Variants in ARHGEF37 observed in about 807,000 individuals in gnomAD.
The protein encoded by ARHGEF37 is Rho guanine nucleotide exchange factor (GEF) 37.
A neutral mutation model predicts 71.1 loss-of-function variants in ARHGEF37; 55 were observed. The observed-to-expected ratio is 0.77, with a 90% CI of 0.62 to 0.97. The LOEUF is 0.97. Among genes scored for constraint, ARHGEF37 ranks in the 50% least tolerant of loss-of-function variants. The pLI, the probability that ARHGEF37 is intolerant of heterozygous loss-of-function variation, is 0.00. For missense variants in ARHGEF37, 765 were observed against 836.8 expected, an observed-to-expected ratio of 0.91 and a Z score of 1.06; for synonymous variants, 327 against 350.6, an observed-to-expected ratio of 0.93 and a Z score of 0.75.
chr5:149,565,349 T>C (rs1262851445), intron 1 of ARHGEF37, among the ~76,000 whole-genome samples: 1 of 152,216 alleles, frequency 6.6e-6, no homozygotes, highest in African/African-American at 2.4e-5. Context: ...CATTGTGTCC[T>C]CAGCATTAGC....
chr5:149,618,402 C>T (rs1752440557), intron 6 of ARHGEF37, 96 bp downstream of exon 6: 1 of 1,540,526 alleles, frequency 6.5e-7, no homozygotes, highest in African/African-American at 1.4e-5. Context: ...CCTTTCAGAA[C>T]TGAGGCAATG....
intron 1 of ARHGEF37, among the ~76,000 whole-genome samples, chr5:149,575,789 C>A (rs1388251150): frequency 1.4e-5 from 2 of 147,518 alleles, no homozygotes; most frequent in Non-Finnish European, 3.0e-5. Context: ...TCAAGCAGTT[C>A]TCCTGCCTCA....
At chr5:149,611,751 A>G (rs948022250) in intron 4 of ARHGEF37, among the ~76,000 whole-genome samples, 4 of 152,174 alleles carry the variant, frequency 2.6e-5, no homozygotes, top group African/African-American at 4.8e-5. Context: ...CAGGGATTCT[A>G]TTTTCTCTGA....
intron 4 of ARHGEF37, among the ~76,000 whole-genome samples, chr5:149,610,565 T>C (rs1764050082): frequency 6.6e-6 from 1 of 152,192 alleles, no homozygotes; most frequent in Non-Finnish European, 1.5e-5. Context: ...TGAGCCACCA[T>C]GCCAGGCCTA....
chr5:149,621,635 G>C, intron 8 of ARHGEF37, 98 bp from the exon 9 acceptor site: 1 of 1,152,780 alleles, frequency 8.7e-7, no homozygotes, highest in East Asian at 2.4e-5. Flanking sequence ...GTGGGAGTTA[G>C]ACTGGAATCC....
intron 2 of ARHGEF37, 49 bp from the exon 3 acceptor site, chr5:149,601,059 A>C: frequency 6.3e-7 from 1 of 1,586,664 alleles, no homozygotes; most frequent in Non-Finnish European, 8.6e-7. Context: ...CTGCAAATAC[A>C]TTCTATGGAA....
intron 1 of ARHGEF37, among the ~76,000 whole-genome samples, chr5:149,559,139 G>A (rs1234799772): frequency 1.3e-5 from 2 of 152,104 alleles, no homozygotes; most frequent in African/African-American, 4.8e-5. Flanking sequence ...TGGCCAACGT[G>A]GTAAAACCCT....
At chr5:149,615,305 A>ATTT (rs71587785) in intron 4 of ARHGEF37, among the ~76,000 whole-genome samples, 1 of 141,916 alleles carries the variant, frequency 7.0e-6, no homozygotes. Flanking sequence ...TGCCTAGTTA[A>ATTT]TTTTTTTTTT....
chr5:149,562,740 C>T (rs900532645), intron 1 of ARHGEF37, among the ~76,000 whole-genome samples: 4 of 152,254 alleles, frequency 2.6e-5, no homozygotes, highest in Middle Eastern at 3.4e-3. Flanking sequence ...GCCACCGCGC[C>T]CGGCCAAGAA....
chr5:149,552,531 A>G (rs1312949293), intron 1 of ARHGEF37, among the ~76,000 whole-genome samples: 1 of 152,224 alleles, frequency 6.6e-6, no homozygotes, highest in African/African-American at 2.4e-5. Context: ...TATCCTAAAT[A>G]AAATTTAATT....
Position 149,632,095 on chromosome 5 carries a change from C to G in ARHGEF37, c.1932C>G (p.Ser644Arg), listed in dbSNP as rs1752901648. The change falls in exon 13 of 13, where the codon AGC (serine) becomes AGG (arginine). Residue 644 changes from serine to arginine, a missense_variant. Around this residue, in one of 5 missense-constraint regions of ARHGEF37, gnomAD observed 390 missense variants for 407.4 expected, o/e 0.96. Coordinates refer to ENST00000333677, the MANE Select transcript of ARHGEF37 (RefSeq NM_001001669.3). ...AQDKKGNPEW[S>R]LVEVNGQRGY... ...ACAAGAAGGGGAACCCTGAGTGGAG[C>G]CTGGTGGAAGTGAATGGACAGAGGG... 3.1e-6 allele frequency: 5 copies of G among 1,614,112 alleles called. No homozygotes were observed. Among genetic ancestry groups the G allele is most frequent in the South Asian group, 1.1e-5 (1 of 91,082 alleles).
chr5:149,611,142 T>C (rs1421339669), intron 4 of ARHGEF37, among the ~76,000 whole-genome samples: 1 of 152,204 alleles, frequency 6.6e-6, no homozygotes, highest in Non-Finnish European at 1.5e-5. Context: ...TGGGGAGGGC[T>C]TGGCATCTAG....
chr5:149,587,792 A>C (rs1202144660), intron 1 of ARHGEF37, among the ~76,000 whole-genome samples: 3 of 151,196 alleles, frequency 2.0e-5, no homozygotes, highest in African/African-American at 7.3e-5. Flanking sequence ...TTTGTACAGG[A>C]TCCTCCCTTC....
intron 11 of ARHGEF37, 81 bp downstream of exon 11, chr5:149,627,352 T>G: frequency 6.7e-7 from 1 of 1,490,338 alleles, no homozygotes; most frequent in Non-Finnish European, 9.1e-7. Flanking sequence ...CGGGCACTCT[T>G]GTGGGTCAAA....
chr5:149,619,058 G>C lies in ARHGEF37; in HGVS notation c.894+16G>C, dbSNP rs567476859. 2 of 1,601,446 alleles carry C rather than the reference G, an allele frequency of 1.2e-6. No individual in the cohort carries two copies. Among genetic ancestry groups the C allele is most frequent in the East Asian group, 2.2e-5 (1 of 44,818 alleles). On this transcript the variant is annotated intron_variant, in intron 7 of 12. Transcript: ENST00000333677. ...CAATCTGCAGGTGAGGACACTGCAG[G>C]GTTCATAAAGGGCGAGTCTGGGCTG...
chr5:149,609,608 G>A lies in ARHGEF37; in HGVS notation c.371G>A (p.Ser124Asn). ...CAAGTCTATAAGGTCTACTGTGCCAGCTACGACCAGGCCTTGCTACTGGTG... is the reference window on the plus strand; with the variant it reads ...CAAGTCTATAAGGTCTACTGTGCCAACTACGACCAGGCCTTGCTACTGGTG... ...LEQVYKVYCASYDQALLLVDT... is the reference protein window; with the variant it reads ...LEQVYKVYCANYDQALLLVDT... The change falls in exon 4 of 13, where the codon AGC becomes AAC. Residue 124 changes from serine to asparagine, a missense_variant. By Grantham distance (46) the Ser-to-Asn change is conservative (BLOSUM62 1). Around this residue, in one of 5 missense-constraint regions of ARHGEF37, gnomAD observed 201 missense variants for 217.5 expected, o/e 0.92. Transcript: ENST00000333677. 1 of 1,613,872 alleles carries A rather than the reference G, an allele frequency of 6.2e-7. No individual in the cohort carries two copies. The highest frequency in any genetic ancestry group is 8.5e-7 in the Non-Finnish European group (1 of 1,180,046).
chr5:149,621,921 C>T lies in ARHGEF37; in HGVS notation c.1194C>T (p.Leu398=). The T allele has an allele frequency of 3.1e-6, 5 of 1,614,244 alleles. No individual in the cohort carries two copies. The highest frequency in any genetic ancestry group is 4.2e-6 in the Non-Finnish European group (5 of 1,180,040). ...EEAARHTYQA[L]NSLLVAELPQ... ...CCGCCCGGCACACATACCAGGCACT[C>T]AACTCGCTGCTAGTGGCTGAGCTCC... The change falls in exon 9 of 13, where the codon CTC becomes CTT. Residue 398 remains leucine (L), a synonymous_variant. Coordinates refer to ENST00000333677, the MANE Select transcript of ARHGEF37 (RefSeq NM_001001669.3).
intron 2 of ARHGEF37, among the ~76,000 whole-genome samples, chr5:149,598,428 C>T (rs1222983245): frequency 6.8e-6 from 1 of 147,450 alleles, no homozygotes; most frequent in East Asian, 2.0e-4. Flanking sequence ...TCTTCTCCTT[C>T]TCCTTCTTCT....
rs376327087 is a variant in ARHGEF37, at chr5:149,570,473, G to A, written c.-12+18350G>A. 3.2e-4 allele frequency among the ~76,000 whole-genome samples: 49 copies of A among 151,698 alleles called. No homozygotes were observed. The East Asian group carries it at 4.3e-3, about 13-fold the overall frequency. On this transcript the variant is annotated intron_variant, in intron 1 of 2. Transcript: ENST00000505810. ...CACCTGTAATCACAGCTACTCAGGA[G>A]GTTGAGGCAGGAGAATCGCTTGAAC...
Sources: gnomAD v4.1 joint callset for allele counts (sites outside exome capture counted in the v4.1 genomes callset) on GRCh38, gnomAD v4.1.1 for gene constraint, gnomAD v4.1.1 regional missense constraint, MANE v1.5 for transcripts, NCBI Gene and HGNC (gene_info 2026-07-23, HGNC 2026-07-21) for gene names.